Variants in FAM118A observed in about 807,000 individuals in gnomAD.
FAM118A encodes the protein SIR2 antiphage like 2.
In FAM118A, 25 loss-of-function variants were observed where a neutral mutation model predicts 38.2. That is an observed-to-expected ratio of 0.65 (90% CI 0.48 to 0.91). The LOEUF is 0.91. FAM118A is among the 40% of genes least tolerant of loss of function. The pLI is 0.00. For synonymous variants in FAM118A, 178 were observed against 184.1 expected, an observed-to-expected ratio of 0.97 and a Z score of 0.27; for missense variants, 425 against 463.3, an observed-to-expected ratio of 0.92 and a Z score of 0.76.
At chr22:45,315,625 T>C (rs1007815721) in intron 1 of FAM118A, among the ~76,000 whole-genome samples, 1 of 151,864 alleles carries the variant, frequency 6.6e-6, no homozygotes, top group Non-Finnish European at 1.5e-5. Context: ...TTTAGAGAGG[T>C]CTACCTGGCT....
chr22:45,320,748 T>G (rs2084828809), intron 1 of FAM118A, among the ~76,000 whole-genome samples: 1 of 152,218 alleles, frequency 6.6e-6, no homozygotes, highest in African/African-American at 2.4e-5. Context: ...AAAGTCATTT[T>G]CAGTCAGTGC....
At chr22:45,326,927 T>G (rs2085316472) in intron 3 of FAM118A, among the ~76,000 whole-genome samples, 2 of 150,396 alleles carry the variant, frequency 1.3e-5, no homozygotes, top group Non-Finnish European at 2.9e-5. Flanking sequence ...GGAGGATCAC[T>G]TGAGCCTGGG....
At chr22:45,313,480 G>T (rs900638075) in intron 1 of FAM118A, among the ~76,000 whole-genome samples, 1 of 151,862 alleles carries the variant, frequency 6.6e-6, no homozygotes, top group Non-Finnish European at 1.5e-5. Flanking sequence ...CTGCCACCTT[G>T]CCCAGCTACT....
At position 45,313,251 on chromosome 22, in the gene FAM118A, T is replaced by G. The variant is rs576694321; in HGVS notation, c.-10+3068T>G. Among the ~76,000 whole-genome samples the G allele has an allele frequency of 6.0e-5, 9 of 150,766 alleles. No homozygotes were observed. The East Asian group carries it at 1.6e-3, about 26-fold the overall frequency. The stretch of plus-strand genomic sequence containing the variant: ...CAGAAATTTCCCTCTGGTGACTATG[T>G]GGGACTAGAGGACTAGAGGGGCTGG... On this transcript the variant is annotated intron_variant, in intron 1 of 8. Transcript: ENST00000441876.
intron 3 of FAM118A, among the ~76,000 whole-genome samples, chr22:45,327,443 G>T (rs1260458977): frequency 6.6e-6 from 1 of 152,056 alleles, no homozygotes; most frequent in Non-Finnish European, 1.5e-5. Flanking sequence ...TGCCTCCGTG[G>T]CCTCTTGCTG....
intron 1 of FAM118A, among the ~76,000 whole-genome samples, chr22:45,318,107 G>T (rs2084687937): frequency 6.6e-6 from 1 of 152,150 alleles, no homozygotes; most frequent in Non-Finnish European, 1.5e-5. Flanking sequence ...GAACGTTTAC[G>T]TAGTGCTGGA....
At chr22:45,329,698 C>G (rs2085566419) in intron 4 of FAM118A, 1 of 152,424 alleles carries the variant, frequency 6.6e-6, no homozygotes, top group Admixed American at 6.5e-5. Flanking sequence ...AAGGCACCCA[C>G]TCCTGCCGGT....
intron 1 of FAM118A, among the ~76,000 whole-genome samples, chr22:45,320,150 G>A (rs1349924711): frequency 6.6e-6 from 1 of 152,162 alleles, no homozygotes; most frequent in African/African-American, 2.4e-5. Flanking sequence ...GTGTGTGTGA[G>A]TGAAGATTAC....
chr22:45,332,295 C>T, intron 5 of FAM118A, 130 bp from the exon 6 acceptor site: 1 of 911,106 alleles, frequency 1.1e-6, no homozygotes, highest in Non-Finnish European at 1.7e-6. Context: ...TCTAACTGTG[C>T]TCCTCAGCGT....
chr22:45,333,052 T>G (rs1435140086), intron 6 of FAM118A, among the ~76,000 whole-genome samples: 2 of 152,056 alleles, frequency 1.3e-5, no homozygotes, highest in Non-Finnish European at 2.9e-5. Context: ...CTGTCTTCAC[T>G]TTTCAAGTAC....
At chr22:45,334,624 C>T (rs1198546383) in intron 6 of FAM118A, among the ~76,000 whole-genome samples, 1 of 152,202 alleles carries the variant, frequency 6.6e-6, no homozygotes, top group East Asian at 1.9e-4. Flanking sequence ...TTTTTCATGG[C>T]AGCATGCAGT....
At chr22:45,326,941 T>G (rs1240874636) in intron 3 of FAM118A, among the ~76,000 whole-genome samples, 2 of 150,214 alleles carry the variant, frequency 1.3e-5, no homozygotes, top group East Asian at 2.0e-4. Flanking sequence ...GCCTGGGAGA[T>G]CAAGGCTGCA....
intron 8 of FAM118A, 100 bp from the exon 9 acceptor site, chr22:45,340,286 A>G (rs2086398486): frequency 7.0e-7 from 1 of 1,427,392 alleles, no homozygotes; most frequent in Non-Finnish European, 9.9e-7. Flanking sequence ...TCCGTACATA[A>G]GAACAATTGT....
chr22:45,313,043 A>G (rs1396656868), intron 1 of FAM118A, among the ~76,000 whole-genome samples: 1 of 152,144 alleles, frequency 6.6e-6, no homozygotes, highest in African/African-American at 2.4e-5. Flanking sequence ...CTTTCTGGTG[A>G]TAAGCCCCCT....
At chr22:45,335,437 C>T (rs1427303118) in intron 7 of FAM118A, 55 bp downstream of exon 7, 5 of 1,579,380 alleles carry the variant, frequency 3.2e-6, no homozygotes, top group African/African-American at 1.3e-5. Flanking sequence ...ATTCCATTGT[C>T]TTCTGTCACT....
chr22:45,324,407 G>C (rs558292149), intron 3 of FAM118A, among the ~76,000 whole-genome samples: 25 of 152,196 alleles, frequency 1.6e-4, no homozygotes, highest in Admixed American at 1.2e-3. Flanking sequence ...AGGGAAGTGC[G>C]GGGAGGGGAG....
intron 3 of FAM118A, among the ~76,000 whole-genome samples, chr22:45,327,293 C>T (rs568706924): frequency 1.2e-3 from 182 of 151,928 alleles, no homozygotes; most frequent in Non-Finnish European, 2.1e-3. Context: ...GAAGGTGCCA[C>T]GAAGACACGC....
chr22:45,330,469 T>G, intron 4 of FAM118A, 134 bp from the exon 5 acceptor site: 1 of 1,021,740 alleles, frequency 9.8e-7, no homozygotes, highest in South Asian at 2.4e-5. Flanking sequence ...AAGGTATAAG[T>G]GTAAAGTGAA....
intron 8 of FAM118A, among the ~76,000 whole-genome samples, chr22:45,339,992 C>G (rs2086372438): frequency 6.6e-6 from 1 of 152,246 alleles, no homozygotes; most frequent in South Asian, 2.1e-4. Flanking sequence ...CCTGGCCTGT[C>G]CTGCATGTGG....
Sources: allele counts gnomAD v4.1 joint callset (sites outside exome capture counted in the v4.1 genomes callset), GRCh38; gene constraint gnomAD v4.1.1; transcripts MANE v1.5; gene names NCBI Gene and HGNC (gene_info 2026-07-23, HGNC 2026-07-21).